UBR1: variants seen among roughly 807,000 people sequenced by gnomAD.
UBR1 encodes the protein ubiquitin protein ligase E3 component n-recognin 1, also known as E3 ubiquitin-protein ligase UBR1.
In UBR1, 102 loss-of-function variants were observed where a neutral mutation model predicts 242.1. The observed-to-expected ratio is 0.42, with a 90% CI of 0.36 to 0.50. UBR1 has a LOEUF of 0.50. Among genes scored for constraint, UBR1 ranks in the 20% least tolerant of loss-of-function variants. The pLI, the probability that UBR1 is intolerant of heterozygous loss-of-function variation, is 0.01. For synonymous variants in UBR1, 675 were observed against 684.8 expected (o/e 0.99, Z 0.22); for missense variants, 1,772 against 2,101.8 (o/e 0.84, Z 3.07).
intron 26 of UBR1, among the ~76,000 whole-genome samples, chr15:43,021,667 G>A (rs1022522346): frequency 5.3e-5 from 8 of 152,190 alleles, no homozygotes; most frequent in South Asian, 2.1e-4. Flanking sequence ...GTTCAGTACA[G>A]TGACAACCAT....
At chr15:42,999,480 GTC>G (rs2032691005) in intron 32 of UBR1, among the ~76,000 whole-genome samples, 1 of 152,006 alleles carries the variant, frequency 6.6e-6, no homozygotes, top group South Asian at 2.1e-4. Flanking sequence ...TTTATTGCCA[GTC>G]TCTCCTTCCT....
In UBR1 at chr15:43,043,229, G is replaced by A; in HGVS notation, c.1835C>T (p.Ser612Phe). The A allele has an allele frequency of 6.2e-7, 1 of 1,614,100 alleles. No homozygotes were observed. The highest frequency in any genetic ancestry group is 8.5e-7 in the Non-Finnish European group (1 of 1,180,024). Residue 612 changes from serine (S) to phenylalanine (F), a missense_variant, in exon 15 of 47, where the codon TCT (serine) becomes TTT (phenylalanine). By Grantham distance (155) the Ser-to-Phe change is radical (BLOSUM62 -2). Transcript: ENST00000290650. ...CAAACACTCACCAGCAAGGGTCCTAGAGAGTGGCAGATGTATGCTTACAAG... is the reference window on the plus strand; with the variant it reads ...CAAACACTCACCAGCAAGGGTCCTAAAGAGTGGCAGATGTATGCTTACAAG... Reference protein sequence around the residue: ...EDLVSIHLPLSRTLAGLHVRL... With the variant: ...EDLVSIHLPLFRTLAGLHVRL...
At position 43,022,729 on chromosome 15, in the gene UBR1, T is replaced by C. The variant is rs1415080831; in HGVS notation, c.2812A>G (p.Thr938Ala). The C allele has an allele frequency of 6.2e-7, 1 of 1,612,108 alleles. No individual in the cohort carries two copies. The highest frequency in any genetic ancestry group is 1.3e-5 in the African/African-American group (1 of 75,016). The change falls in exon 26 of 47, where the codon ACA becomes GCA. Residue 938 changes from threonine to alanine, a missense_variant. Coordinates refer to ENST00000290650, the MANE Select transcript of UBR1 (RefSeq NM_174916.3). Reference protein sequence around the residue: ...QLQKAPEEEVTFDFYHKASRL... With the variant: ...QLQKAPEEEVAFDFYHKASRL... ...GAAGCCTTATGATAAAAGTCAAATG[T>C]TACTTCTTCTTCAGGAGCTTTTTGA... is the stretch of plus-strand genomic sequence containing the variant.
At chr15:43,017,463 A>T (rs982992014) in intron 27 of UBR1, among the ~76,000 whole-genome samples, 4 of 152,090 alleles carry the variant, frequency 2.6e-5, no homozygotes, top group African/African-American at 7.2e-5. Context: ...GGAAACAAAA[A>T]TTTTTTTAAT....
intron 11 of UBR1, among the ~76,000 whole-genome samples, chr15:43,055,478 A>G (rs1308210589): frequency 1.3e-5 from 2 of 152,164 alleles, no homozygotes; most frequent in Non-Finnish European, 2.9e-5. Context: ...AGTATAACAA[A>G]GATATACTTC....
At chr15:43,002,729 C>T in intron 31 of UBR1, 25 bp from the exon 32 acceptor site, 1 of 1,613,834 alleles carries the variant, frequency 6.2e-7, no homozygotes, top group Non-Finnish European at 8.5e-7. Context: ...AGACACAGGC[C>T]CATTCAGAAC....
intron 1 of UBR1, among the ~76,000 whole-genome samples, chr15:43,101,900 A>G (rs2034239392): frequency 7.2e-6 from 1 of 138,540 alleles, no homozygotes; most frequent in African/African-American, 2.6e-5. Flanking sequence ...CCCGGGAGGT[A>G]GAGGTTTCAG....
chr15:43,019,693 C>G (rs898793195), intron 27 of UBR1, among the ~76,000 whole-genome samples: 3 of 151,054 alleles, frequency 2.0e-5, no homozygotes, highest in Non-Finnish European at 4.4e-5. Context: ...GGCGATTCTC[C>G]TGCCTCAGCC....
rs1390651392 is a variant in UBR1, at chr15:42,945,483, A to G, written c.5109-13T>C. ...GGGGTTGCCCCTCCTTTAGGGAAAA[A>G]AGAAAAAACAACATGTAAGTTTGAA... On this transcript the variant is annotated splice_polypyrimidine_tract_variant and intron_variant, in intron 46 of 46. Transcript: ENST00000290650. The G allele has an allele frequency of 6.2e-7, 1 of 1,613,898 alleles. No homozygotes were observed. Among genetic ancestry groups the G allele is most frequent in the African/African-American group, 1.3e-5 (1 of 75,042 alleles).
intron 21 of UBR1, among the ~76,000 whole-genome samples, chr15:43,029,175 C>A (rs906624780): frequency 4.6e-5 from 7 of 151,734 alleles, no homozygotes; most frequent in African/African-American, 1.5e-4. Context: ...CTTGACAGCA[C>A]AAATAAGTAT....
At chr15:43,064,240 A>G (rs989064130) in intron 6 of UBR1, among the ~76,000 whole-genome samples, 8 of 152,212 alleles carry the variant, frequency 5.3e-5, no homozygotes, top group Non-Finnish European at 1.0e-4. Context: ...CTTGATCACT[A>G]TGAGGTTATT....
chr15:43,074,830 T>C, intron 4 of UBR1, 149 bp downstream of exon 4: 1 of 661,398 alleles, frequency 1.5e-6, no homozygotes, highest in Non-Finnish European at 2.7e-6. Flanking sequence ...CTTAGTTTCT[T>C]TGGAGCTAGA....
At chr15:42,956,952 A>C (rs2031930976) in intron 44 of UBR1, among the ~76,000 whole-genome samples, 1 of 152,200 alleles carries the variant, frequency 6.6e-6, no homozygotes, top group African/African-American at 2.4e-5. Flanking sequence ...ACTGTGGAAA[A>C]CAGTTTGCAG....
intron 33 of UBR1, among the ~76,000 whole-genome samples, chr15:42,997,431 C>T (rs945160461): frequency 3.3e-5 from 5 of 152,206 alleles, no homozygotes; most frequent in Non-Finnish European, 7.4e-5. Context: ...AACCATCCCC[C>T]TCATCCGAGG....
chr15:43,002,549 A>G lies in UBR1; in HGVS notation c.3659+6T>C. 1 of 1,613,574 alleles carries G rather than the reference A, an allele frequency of 6.2e-7. No individual in the cohort carries two copies. Among genetic ancestry groups the G allele is most frequent in the Non-Finnish European group, 8.5e-7 (1 of 1,179,700 alleles). Reference sequence around the variant, plus strand: ...AAAATTAACCAAAACATAAATTAAAATATACCTGTTTATCTTTTGAGGTTG... The same window carrying G: ...AAAATTAACCAAAACATAAATTAAAGTATACCTGTTTATCTTTTGAGGTTG... On this transcript the variant is annotated splice_donor_region_variant and intron_variant, in intron 32 of 46. Coordinates refer to ENST00000290650, the MANE Select transcript of UBR1 (RefSeq NM_174916.3).
chr15:43,010,170 C>T (rs1210781626), intron 29 of UBR1, among the ~76,000 whole-genome samples: 1 of 152,172 alleles, frequency 6.6e-6, no homozygotes, highest in Admixed American at 6.5e-5. Context: ...CTGCGCCCGC[C>T]CTACTCTGCA....
At chr15:42,946,368 C>T (rs572002776) in intron 46 of UBR1, among the ~76,000 whole-genome samples, 11 of 152,192 alleles carry the variant, frequency 7.2e-5, no homozygotes, top group East Asian at 1.9e-4. Context: ...CCTCGTGATC[C>T]GCCCGCCTCG....
At chr15:43,056,506 T>A in intron 10 of UBR1, 64 bp from the exon 11 acceptor site, 1 of 1,072,052 alleles carries the variant, frequency 9.3e-7, no homozygotes, top group South Asian at 1.3e-5. Flanking sequence ...AAATCCCAAT[T>A]TTAATAACTG....
intron 25 of UBR1, 79 bp downstream of exon 25, chr15:43,024,750 G>A (rs1217932683): frequency 3.3e-5 from 53 of 1,592,740 alleles, no homozygotes; most frequent in Non-Finnish European, 4.6e-5. Flanking sequence ...GGTTCCAACT[G>A]AAGTTAGACC....
Sources: gnomAD v4.1 joint callset for allele counts (sites outside exome capture counted in the v4.1 genomes callset) on GRCh38, gnomAD v4.1.1 for gene constraint, MANE v1.5 for transcripts, NCBI Gene and HGNC (gene_info 2026-07-23, HGNC 2026-07-21) for gene names.